Variants in TLK2 observed in about 807,000 individuals in gnomAD.
The protein encoded by TLK2 is tousled like kinase 2.
TLK2 carries 6 observed loss-of-function variants against 117.3 expected under a neutral mutation model. The observed-to-expected ratio is 0.05, with a 90% confidence interval of 0.03 to 0.10. The LOEUF (loss-of-function observed/expected upper bound fraction) is 0.10. Ranked by LOEUF, TLK2 falls within the 10% of genes least tolerant of loss-of-function variation. The pLI is 1.00. For synonymous variants in TLK2, 257 were observed against 316.7 expected (o/e 0.81, Z 2.00); for missense variants, 299 against 901.2 (o/e 0.33, Z 8.56).
intron 2 of TLK2, among the ~76,000 whole-genome samples, chr17:62,519,266 A>G (rs1238500205): frequency 2.0e-5 from 3 of 152,134 alleles, no homozygotes; most frequent in Admixed American, 1.3e-4. Flanking sequence ...TCCTGGCACC[A>G]TTTGCTGAAA....
intron 10 of TLK2, among the ~76,000 whole-genome samples, chr17:62,564,046 A>G (rs954812570): frequency 4.6e-5 from 7 of 152,160 alleles, no homozygotes; most frequent in Non-Finnish European, 1.5e-5. Context: ...GAAAATAGGG[A>G]AACAGCTTAA....
chr17:62,503,816 C>G (rs995609443), intron 2 of TLK2, among the ~76,000 whole-genome samples: 1 of 151,894 alleles, frequency 6.6e-6, no homozygotes, highest in African/African-American at 2.4e-5. Context: ...GCAGCCTCCC[C>G]CTCCCAGGTT....
chr17:62,483,063 G>T (rs868453391), intron 2 of TLK2, among the ~76,000 whole-genome samples: 1 of 152,188 alleles, frequency 6.6e-6, no homozygotes, highest in African/African-American at 2.4e-5. Context: ...TCTAGGTGAA[G>T]TAGCTTCAAA....
intron 17 of TLK2, among the ~76,000 whole-genome samples, chr17:62,599,147 A>G (rs1002315198): frequency 2.6e-5 from 4 of 152,082 alleles, no homozygotes; most frequent in Non-Finnish European, 5.9e-5. Context: ...GAGTTTCACT[A>G]TGTTGGCCAG....
At chr17:62,488,157 A>C (rs2072683344) in intron 2 of TLK2, among the ~76,000 whole-genome samples, 2 of 144,240 alleles carry the variant, frequency 1.4e-5, no homozygotes, top group East Asian at 2.1e-4. Context: ...CTGGTCTCGA[A>C]CTCCTGACCT....
At chr17:62,580,943 C>A (rs1019318565) in intron 15 of TLK2, among the ~76,000 whole-genome samples, 2 of 152,164 alleles carry the variant, frequency 1.3e-5, no homozygotes, top group African/African-American at 4.8e-5. Context: ...AAATAGTTTT[C>A]ATTGCAAATA....
At chr17:62,487,460 A>C (rs1473054499) in intron 2 of TLK2, among the ~76,000 whole-genome samples, 1 of 150,310 alleles carries the variant, frequency 6.7e-6, no homozygotes, top group African/African-American at 2.4e-5. Flanking sequence ...CAGAGGTTGC[A>C]GTGAGCTGAG....
upstream of TLK2, chr17:62,477,892 C>G (rs1299032202): frequency 1.3e-5 from 2 of 152,174 alleles, no homozygotes; most frequent in African/African-American, 4.8e-5. Context: ...CACTTACCCT[C>G]AGACCCTCCT....
Position 62,479,037 on chromosome 17 carries a change from G to C in TLK2, c.-259G>C, listed in dbSNP as rs913321699. The C allele has an allele frequency of 5.3e-5, 8 of 150,490 alleles. No individual in the cohort carries two copies. The Middle Eastern group carries it at 0.014, about 259-fold the overall frequency. The allele number at this position is 150,490 out of a possible 1,614,324, so 9.3% of individuals were successfully genotyped here. A position where few individuals can be genotyped will look rare whatever the true frequency, so the allele number is the denominator to read the frequency against. On this transcript the variant is annotated 5_prime_UTR_variant, in exon 1 of 22. Transcript: ENST00000346027. ...TCCCGCGCCCCCCGCGGCCGCCCGGGCCCGGGCCCGCGTCGGGCGCCTGGC... is the reference window on the plus strand; with the variant it reads ...TCCCGCGCCCCCCGCGGCCGCCCGGCCCCGGGCCCGCGTCGGGCGCCTGGC...
chr17:62,536,777 C>T (rs934892962), intron 7 of TLK2, among the ~76,000 whole-genome samples: 8 of 152,136 alleles, frequency 5.3e-5, no homozygotes, highest in Non-Finnish European at 1.0e-4. Flanking sequence ...TCATTTACCC[C>T]GTGTAGTATT....
At chr17:62,610,600 G>A (rs1426418703) in intron 21 of TLK2, among the ~76,000 whole-genome samples, 1 of 152,194 alleles carries the variant, frequency 6.6e-6, no homozygotes, top group East Asian at 1.9e-4. Flanking sequence ...ATCTTGAATG[G>A]TATGAAGGTG....
At chr17:62,610,716 G>C (rs1281336255) in intron 21 of TLK2, among the ~76,000 whole-genome samples, 2 of 152,208 alleles carry the variant, frequency 1.3e-5, no homozygotes, top group South Asian at 4.1e-4. Flanking sequence ...GAGCAAATGG[G>C]AAGGTGGTAA....
chr17:62,611,258 T>A (rs2083736769), intron 21 of TLK2, among the ~76,000 whole-genome samples: 1 of 152,268 alleles, frequency 6.6e-6, no homozygotes, highest in Non-Finnish European at 1.5e-5. Context: ...ATTATGTTCA[T>A]TTCTATGAAT....
At chr17:62,484,506 C>A (rs1051047765) in intron 2 of TLK2, among the ~76,000 whole-genome samples, 6 of 151,642 alleles carry the variant, frequency 4.0e-5, no homozygotes, top group Non-Finnish European at 7.4e-5. Flanking sequence ...CCGTGTTGGC[C>A]AGGCTGGTCT....
At chr17:62,566,916 G>A (rs2079841371) in intron 11 of TLK2, among the ~76,000 whole-genome samples, 1 of 152,160 alleles carries the variant, frequency 6.6e-6, no homozygotes, top group African/African-American at 2.4e-5. Flanking sequence ...AGTTTGTATA[G>A]AGATGTAATT....
chr17:62,526,982 G>C (rs537425193), intron 6 of TLK2, among the ~76,000 whole-genome samples: 4 of 152,116 alleles, frequency 2.6e-5, no homozygotes, highest in African/African-American at 9.7e-5. Flanking sequence ...AAGCTCCTGC[G>C]TGATCTGTGC....
intron 8 of TLK2, among the ~76,000 whole-genome samples, chr17:62,552,712 G>A (rs2078568517): frequency 6.9e-6 from 1 of 145,314 alleles, no homozygotes; most frequent in African/African-American, 2.6e-5. Context: ...AAGTACCTAC[G>A]CTTTGAAGGC....
chr17:62,566,755 CAGA>C (rs916180435), intron 11 of TLK2, among the ~76,000 whole-genome samples: 2 of 152,150 alleles, frequency 1.3e-5, no homozygotes, highest in African/African-American at 4.8e-5. Flanking sequence ...AAAATGGAAT[CAGA>C]AGAAGATAAA....
intron 2 of TLK2, among the ~76,000 whole-genome samples, chr17:62,519,536 G>A (rs1461390861): frequency 6.6e-6 from 1 of 152,126 alleles, no homozygotes; most frequent in African/African-American, 2.4e-5. Flanking sequence ...AGCTGGGGCC[G>A]GGTGCGGTGG....
Sources: gnomAD v4.1 joint callset for allele counts (sites outside exome capture counted in the v4.1 genomes callset) on GRCh38, gnomAD v4.1.1 for gene constraint, MANE v1.5 for transcripts, NCBI Gene and HGNC (gene_info 2026-07-23, HGNC 2026-07-21) for gene names.